Variants in LCOR observed in about 807,000 individuals in gnomAD.
LCOR encodes ligand-dependent corepressor.
LCOR carries 14 observed loss-of-function variants against 64.4 expected under a neutral mutation model. That is an observed-to-expected ratio of 0.22 (90% CI 0.14 to 0.34). LCOR has a LOEUF of 0.34. Ranked by LOEUF, LCOR falls within the 10% of genes least tolerant of loss-of-function variation. LCOR has a pLI of 1.00. For missense variants in LCOR, 1,686 were observed against 1,765.3 expected (o/e 0.96, Z 0.80); for synonymous variants, 643 against 642.5 (o/e 1.00, Z -0.01).
intron 2 of LCOR, among the ~76,000 whole-genome samples, chr10:96,862,883 C>CTT (rs1384673987): frequency 3.5e-5 from 5 of 142,110 alleles, no homozygotes; most frequent in Non-Finnish European, 4.6e-5. Context: ...CTTTTCTTTT[C>CTT]TTTTTTTTTT....
In LCOR at chr10:96,920,748, GTA is replaced by G. The variant is rs1554837289; in HGVS notation, c.-184+13004_-184+13005del. 4.1e-4 allele frequency among the ~76,000 whole-genome samples: 33 copies of G among 80,508 alleles called. 1 individual carries two copies. The highest frequency in any genetic ancestry group is 8.2e-4 in the African/African-American group (17 of 20,796). The allele number at this position is 80,508 out of a possible 152,430, so 52.8% of individuals were successfully genotyped here. ...TATGTTCATATATATGTGTATATAT[GTA>G]TACACACACACACACACACACACAC... is the stretch of plus-strand genomic sequence containing the variant. On this transcript the variant is annotated intron_variant, in intron 4 of 7. Coordinates refer to ENST00000421806, the MANE Select transcript of LCOR (RefSeq NM_001346516.2).
intron 2 of LCOR, among the ~76,000 whole-genome samples, chr10:96,879,991 A>C (rs537757578): frequency 6.6e-6 from 1 of 152,160 alleles, no homozygotes; most frequent in Non-Finnish European, 1.5e-5. Context: ...TTCTGTTTGC[A>C]TGTCTGGCAT....
intron 7 of LCOR, among the ~76,000 whole-genome samples, chr10:96,978,914 A>G (rs1007150290): frequency 6.6e-6 from 1 of 152,234 alleles, no homozygotes; most frequent in African/African-American, 2.4e-5. Flanking sequence ...ATCCTTTGAG[A>G]TACTGACATT....
In LCOR at chr10:96,988,481, A is replaced by C. The variant is rs1266647175; in HGVS notation, c.*3347A>C. 2 of 152,196 alleles carry C rather than the reference A, an allele frequency of 1.3e-5. No individual in the cohort carries two copies. Among genetic ancestry groups the C allele is most frequent in the Non-Finnish European group, 2.9e-5 (2 of 68,046 alleles). 9.4% of individuals were successfully genotyped at this position (152,196 alleles called of 1,614,324 possible). Reference sequence around the variant, plus strand: ...TCCCTTTACATATGTGGTGCTTTCTAATGGGATCTCTATGCATCACATACT... The same window carrying C: ...TCCCTTTACATATGTGGTGCTTTCTCATGGGATCTCTATGCATCACATACT... On this transcript the variant is annotated 3_prime_UTR_variant, in exon 8 of 8. Coordinates refer to ENST00000421806, the MANE Select transcript of LCOR (RefSeq NM_001346516.2).
Position 96,932,333 on chromosome 10 carries a change from T to TATAA in LCOR, c.-183-11780_-183-11779insATAA, listed in dbSNP as rs564308658. ...TATTATTGGTTAATCATTATATTGC[T>TATAA]TCCAGTAAACTCATAGGAAAGGAAA... On this transcript the variant is annotated intron_variant, in intron 4 of 7. Coordinates refer to ENST00000421806, the MANE Select transcript of LCOR (RefSeq NM_001346516.2). Among the ~76,000 whole-genome samples the TATAA allele has an allele frequency of 1.4e-4, 22 of 152,292 alleles. 1 individual carries two copies. In the South Asian group the frequency reaches 4.3e-3, roughly 30 times the overall value.
At chr10:96,974,178 T>G (rs1482983130) in intron 7 of LCOR, among the ~76,000 whole-genome samples, 1 of 152,248 alleles carries the variant, frequency 6.6e-6, no homozygotes, top group African/African-American at 2.4e-5. Flanking sequence ...TACCACACCC[T>G]TAACAATTGG....
At chr10:96,894,924 T>A (rs1846511881) in intron 2 of LCOR, among the ~76,000 whole-genome samples, 1 of 152,194 alleles carries the variant, frequency 6.6e-6, no homozygotes, top group African/African-American at 2.4e-5. Flanking sequence ...CATCAAGTTG[T>A]TTGCTAGATG....
chr10:96,877,354 ATC>A (rs1405027947), intron 2 of LCOR, among the ~76,000 whole-genome samples: 1 of 151,912 alleles, frequency 6.6e-6, no homozygotes, highest in Non-Finnish European at 1.5e-5. Flanking sequence ...TGAAAACCCT[ATC>A]TCTACAAAAC....
chr10:96,917,142 G>A lies in LCOR; in HGVS notation c.-184+9395G>A, dbSNP rs186192007. Among the ~76,000 whole-genome samples, 21 of 152,238 alleles carry A rather than the reference G, an allele frequency of 1.4e-4. No individual in the cohort carries two copies. The East Asian group carries it at 2.9e-3, about 21-fold the overall frequency. On this transcript the variant is annotated intron_variant, in intron 4 of 7. Transcript: ENST00000421806. The stretch of plus-strand genomic sequence containing the variant: ...GAGTTTATTTTTTGTCTCCCAGTTC[G>A]TAGAGTTGTTTGCAAAAAACACAGG...
At chr10:96,922,760 T>C (rs1847102286) in intron 4 of LCOR, among the ~76,000 whole-genome samples, 1 of 152,216 alleles carries the variant, frequency 6.6e-6, no homozygotes, top group African/African-American at 2.4e-5. Flanking sequence ...TGATTATAGA[T>C]ACTGGTCAAT....
At chr10:96,837,694 G>A (rs1227734334) in intron 2 of LCOR, among the ~76,000 whole-genome samples, 14 of 152,202 alleles carry the variant, frequency 9.2e-5, no homozygotes, top group Admixed American at 9.2e-4. Context: ...AGGATTGACA[G>A]ATTATCATCC....
chr10:96,956,231 G>GTT (rs200772895), intron 7 of LCOR: 2 of 1,030,786 alleles, frequency 1.9e-6, no homozygotes, highest in African/African-American at 3.4e-5. Context: ...ATGCTTTTTT[G>GTT]TTTTTTTTTG....
chr10:96,849,858 C>CTTTTTTT (rs964263701), intron 2 of LCOR, among the ~76,000 whole-genome samples: 7 of 115,690 alleles, frequency 6.1e-5, no homozygotes, highest in African/African-American at 1.0e-4. Context: ...GTGTCACTCA[C>CTTTTTTT]TTTTTTTTTT....
rs190299973 is a variant in LCOR at position 96,853,812 on chromosome 10, G to A, written c.-330+20333G>A. Among the ~76,000 whole-genome samples, 77 of 152,320 alleles carry A rather than the reference G, an allele frequency of 5.1e-4. 1 individual carries two copies. The highest frequency in any genetic ancestry group is 1.1e-3 in the African/African-American group (45 of 41,582). On this transcript the variant is annotated intron_variant, in intron 2 of 7. Coordinates refer to ENST00000421806, the MANE Select transcript of LCOR (RefSeq NM_001346516.2). ...TTAATTGACTCAGTTTGTCATGGCTGGAGTGGCCTTAGGAAACTTAACATT... is the reference window on the plus strand; with the variant it reads ...TTAATTGACTCAGTTTGTCATGGCTAGAGTGGCCTTAGGAAACTTAACATT...
intron 2 of LCOR, among the ~76,000 whole-genome samples, chr10:96,884,056 T>A (rs1846304869): frequency 1.3e-5 from 2 of 152,158 alleles, no homozygotes; most frequent in Admixed American, 1.3e-4. Context: ...TTCACCTCAT[T>A]TATAATAATT....
rs1312777895 is a variant in LCOR, at chr10:96,991,004, C to CT, written c.*5876dup. 38 of 138,648 alleles carry CT rather than the reference C, an allele frequency of 2.7e-4. No individual in the cohort carries two copies. Among genetic ancestry groups the CT allele is most frequent in the African/African-American group, 1.0e-3 (38 of 36,626 alleles). The allele number at this position is 138,648 out of a possible 1,614,324, so 8.6% of individuals were successfully genotyped here. A position where few individuals can be genotyped will look rare whatever the true frequency, so the allele number is the denominator to read the frequency against. Reference sequence around the variant, plus strand: ...GGGTTGGACAAATGGATTTTTTACCCTTTTTTAAAGGGTTATGTAAAAAAA... The same window carrying CT: ...GGGTTGGACAAATGGATTTTTTACCCTTTTTTTAAAGGGTTATGTAAAAAAA... On this transcript the variant is annotated 3_prime_UTR_variant, in exon 8 of 8. Coordinates refer to ENST00000421806, the MANE Select transcript of LCOR (RefSeq NM_001346516.2).
chr10:96,957,688 T>G, intron 7 of LCOR: 4 of 985,406 alleles, frequency 4.1e-6, no homozygotes, highest in Non-Finnish European at 4.8e-6. Context: ...CCTGGAAACT[T>G]TGGAGCAATT....
In LCOR at chr10:96,924,553, T is replaced by A. The variant is rs529121564; in HGVS notation, c.-184+16806T>A. Among the ~76,000 whole-genome samples the A allele has an allele frequency of 1.8e-3, 281 of 152,160 alleles. 1 individual carries two copies. Among genetic ancestry groups the A allele is most frequent in the East Asian group, 0.011 (59 of 5,186 alleles). On this transcript the variant is annotated intron_variant, in intron 4 of 7. Transcript: ENST00000421806. ...TACTGCGCCCAGCCACATTAAAAAA[T>A]TTTTTATTTTGAAGTAATTTCACAC...
intron 7 of LCOR, among the ~76,000 whole-genome samples, chr10:96,975,266 GAT>G (rs1848028485): frequency 6.6e-6 from 1 of 152,156 alleles, no homozygotes; most frequent in Non-Finnish European, 1.5e-5. Flanking sequence ...AGCCAAAACT[GAT>G]TTTATTGCTA....
Sources: gnomAD v4.1 joint callset for allele counts (sites outside exome capture counted in the v4.1 genomes callset) on GRCh38, gnomAD v4.1.1 for gene constraint, MANE v1.5 for transcripts, NCBI Gene and HGNC (gene_info 2026-07-23, HGNC 2026-07-21) for gene names.